The following QTMAN variants were observed in gnomAD, a reference collection of about 807,000 sequenced individuals.
QTMAN encodes tRNA-queuosine alpha-mannosyltransferase.
chr2:143,947,193 A>G, the QTMAN span: 1 of 1,232,826 alleles, frequency 8.1e-7, no homozygotes, highest in Admixed American at 1.8e-5. Flanking sequence ...TGACTAAAAG[A>G]TGAAAGTATG....
At chr2:144,204,077 T>C in the QTMAN span, among the ~76,000 whole-genome samples, 2 of 152,126 alleles carry the variant, frequency 1.3e-5, no homozygotes, top group South Asian at 2.1e-4. Context: ...ATTCAGGACA[T>C]AGGCATGGGC....
the QTMAN span, among the ~76,000 whole-genome samples, chr2:144,033,831 A>G: frequency 6.6e-6 from 1 of 152,296 alleles, no homozygotes; most frequent in East Asian, 1.9e-4. Flanking sequence ...TCAACTTTAT[A>G]GCTCCTATCA....
At chr2:144,134,373 T>A in the QTMAN span, among the ~76,000 whole-genome samples, 1 of 152,116 alleles carries the variant, frequency 6.6e-6, no homozygotes, top group Non-Finnish European at 1.5e-5. Context: ...TACATAGAAA[T>A]GATGAAGAGA....
chr2:144,211,444 G>A, the QTMAN span: 1 of 152,524 alleles, frequency 6.6e-6, no homozygotes, highest in African/African-American at 2.4e-5. Context: ...ATACTTAGTG[G>A]CTTTGATTCA....
the QTMAN span, among the ~76,000 whole-genome samples, chr2:144,277,317 A>C: frequency 6.6e-6 from 1 of 152,148 alleles, no homozygotes; most frequent in Non-Finnish European, 1.5e-5. Flanking sequence ...TAGACGCTAT[A>C]CTTTATGAAA....
At chr2:144,119,809 T>C in the QTMAN span, among the ~76,000 whole-genome samples, 2 of 152,264 alleles carry the variant, frequency 1.3e-5, no homozygotes, top group Admixed American at 1.3e-4. Flanking sequence ...TTTTCTTCAC[T>C]AGATCCTGTG....
At chr2:144,073,836 G>C in the QTMAN span, among the ~76,000 whole-genome samples, 1 of 152,188 alleles carries the variant, frequency 6.6e-6, no homozygotes, top group South Asian at 2.1e-4. Context: ...CAGTTGTGTT[G>C]AGTGAAACGT....
the QTMAN span, among the ~76,000 whole-genome samples, chr2:143,993,482 TGG>T: frequency 6.6e-6 from 1 of 151,406 alleles, no homozygotes; most frequent in Non-Finnish European, 1.5e-5. Context: ...AACATCTGGG[TGG>T]GCCCTCAATC....
At chr2:143,964,495 TA>T in the QTMAN span, among the ~76,000 whole-genome samples, 1 of 152,198 alleles carries the variant, frequency 6.6e-6, no homozygotes, top group Non-Finnish European at 1.5e-5. Flanking sequence ...AATACATTAG[TA>T]GCTTTCCTTT....
the QTMAN span, among the ~76,000 whole-genome samples, chr2:144,134,211 T>C: frequency 6.6e-6 from 1 of 152,150 alleles, no homozygotes; most frequent in Non-Finnish European, 1.5e-5. Context: ...TTAATAAGAA[T>C]TCTTCAAAAA....
At chr2:144,061,911 G>C in the QTMAN span, among the ~76,000 whole-genome samples, 1 of 152,080 alleles carries the variant, frequency 6.6e-6, no homozygotes, top group Non-Finnish European at 1.5e-5. Context: ...GAGGAGATTG[G>C]CTGCGGGATT....
the QTMAN span, among the ~76,000 whole-genome samples, chr2:144,212,735 G>T: frequency 6.6e-5 from 10 of 152,112 alleles, no homozygotes; most frequent in African/African-American, 2.4e-4. Context: ...ACAAGCTTCA[G>T]TTAAAGAAAA....
the QTMAN span, among the ~76,000 whole-genome samples, chr2:144,151,003 G>C: frequency 2.6e-5 from 4 of 152,096 alleles, no homozygotes; most frequent in Non-Finnish European, 5.9e-5. Flanking sequence ...AAGGAGGTTG[G>C]AGCCAATGGG....
At chr2:144,223,400 A>G in the QTMAN span, among the ~76,000 whole-genome samples, 1 of 152,150 alleles carries the variant, frequency 6.6e-6, no homozygotes, top group South Asian at 2.1e-4. Context: ...CACAAACTTG[A>G]TATGAAAAAG....
the QTMAN span, among the ~76,000 whole-genome samples, chr2:144,310,706 A>G: frequency 6.6e-6 from 1 of 152,240 alleles, no homozygotes; most frequent in South Asian, 2.1e-4. Context: ...GTGAAAGAAA[A>G]AGAAGAGTCA....
chr2:144,210,832 C>G, the QTMAN span: 5 of 152,088 alleles, frequency 3.3e-5, no homozygotes, highest in Admixed American at 6.5e-5. Flanking sequence ...TTGATCACAT[C>G]GTAGATATCT....
chr2:144,180,235 T>C, the QTMAN span, among the ~76,000 whole-genome samples: 1 of 152,168 alleles, frequency 6.6e-6, no homozygotes, highest in African/African-American at 2.4e-5. Flanking sequence ...ACTTTTTTTT[T>C]CCTCTTCAGT....
the QTMAN span, among the ~76,000 whole-genome samples, chr2:144,248,933 T>C: frequency 3.3e-5 from 5 of 152,322 alleles, no homozygotes; most frequent in South Asian, 2.1e-4. Context: ...TGTTCAAATG[T>C]AGACCTTCAG....
chr2:144,283,863 T>C, the QTMAN span, among the ~76,000 whole-genome samples: 4 of 151,890 alleles, frequency 2.6e-5, no homozygotes, highest in East Asian at 3.9e-4. Context: ...ATGTCTTTCA[T>C]ACAAAATGAA....
Sources: gnomAD v4.1 joint callset for allele counts (sites outside exome capture counted in the v4.1 genomes callset) on GRCh38, gnomAD v4.1.1 for gene constraint, MANE v1.5 for transcripts, NCBI Gene and HGNC (gene_info 2026-07-23, HGNC 2026-07-21) for gene names.